ADCY1: variants seen among roughly 807,000 people sequenced by gnomAD.
ADCY1 encodes adenylate cyclase 1.
A neutral mutation model predicts 105.4 loss-of-function variants in ADCY1; 28 were observed. The observed-to-expected ratio is 0.27, with a 90% CI of 0.20 to 0.36. The LOEUF (loss-of-function observed/expected upper bound fraction) is 0.36. ADCY1 is among the 10% of genes least tolerant of loss of function. The pLI, the probability that ADCY1 is intolerant of heterozygous loss-of-function variation, is 1.00. For synonymous variants in ADCY1, 655 were observed against 623.8 expected, an observed-to-expected ratio of 1.05 and a Z score of -0.75; for missense variants, 977 against 1,434.2, an observed-to-expected ratio of 0.68 and a Z score of 5.15.
At chr7:45,587,090 G>A (rs1403632051) in intron 1 of ADCY1, among the ~76,000 whole-genome samples, 1 of 152,212 alleles carries the variant, frequency 6.6e-6, no homozygotes, top group African/African-American at 2.4e-5. Context: ...AAATTCAATA[G>A]AGAGGTTTTC....
rs1177412779 is a variant in ADCY1, at chr7:45,675,204, A to AT, written c.1606-2659dup. Among the ~76,000 whole-genome samples the AT allele has an allele frequency of 5.1e-4, 77 of 152,162 alleles. 1 individual carries two copies. The highest frequency in any genetic ancestry group is 2.6e-4 in the Non-Finnish European group (18 of 67,980). ...TATATAGTATATCTTGTTGCATACA[A>AT]TTTTTTGTAGTTTATCTAGATATGT... On this transcript the variant is annotated intron_variant, in intron 8 of 19. Coordinates refer to ENST00000297323, the MANE Select transcript of ADCY1 (RefSeq NM_021116.4).
rs117131799 is a variant in ADCY1, at chr7:45,680,893, G to A, written c.1983+1100G>A. ...TGAAAAGCCATTGGGCAAGAAGAGC[G>A]ATGACAAAGCAGAAGCCAAGGAATG... On this transcript the variant is annotated intron_variant, in intron 11 of 19. Coordinates refer to ENST00000297323, the MANE Select transcript of ADCY1 (RefSeq NM_021116.4). 7.2e-3 allele frequency among the ~76,000 whole-genome samples: 1,103 copies of A among 152,364 alleles called. 6 individuals carry two copies. Among genetic ancestry groups the A allele is most frequent in the Non-Finnish European group, 0.011 (748 of 68,038 alleles).
At chr7:45,587,874 T>C (rs1412247476) in intron 1 of ADCY1, among the ~76,000 whole-genome samples, 1 of 152,206 alleles carries the variant, frequency 6.6e-6, no homozygotes, top group Non-Finnish European at 1.5e-5. Context: ...AGTTACCAGC[T>C]GGCTAAGGTG....
At position 45,720,538 on chromosome 7, in the gene ADCY1, G is replaced by T. The variant is rs938999785; in HGVS notation, c.*6543G>T. The T allele has an allele frequency of 6.0e-5, 9 of 150,798 alleles. No individual in the cohort carries two copies. The highest frequency in any genetic ancestry group is 1.5e-4 in the African/African-American group (6 of 41,060). The allele number at this position is 150,798 out of a possible 1,614,324, so 9.3% of individuals were successfully genotyped here. ...CAAAAAAAAAAAAAAAAGAAAGAAAGAAATCAGAAAATCGACCACAGTGGT... is the reference window on the plus strand; with the variant it reads ...CAAAAAAAAAAAAAAAAGAAAGAAATAAATCAGAAAATCGACCACAGTGGT... On this transcript the variant is annotated 3_prime_UTR_variant, in exon 20 of 20. Coordinates refer to ENST00000297323, the MANE Select transcript of ADCY1 (RefSeq NM_021116.4).
At chr7:45,640,477 G>A (rs1794503513) in intron 4 of ADCY1, among the ~76,000 whole-genome samples, 1 of 152,192 alleles carries the variant, frequency 6.6e-6, no homozygotes, top group Non-Finnish European at 1.5e-5. Flanking sequence ...TAGAGTCAAA[G>A]TCAAAGATTT....
chr7:45,715,912 C>T lies in ADCY1; in HGVS notation c.*1917C>T, dbSNP rs1785349391. The T allele has an allele frequency of 6.6e-6, 1 of 152,508 alleles. No homozygotes were observed. Among genetic ancestry groups the T allele is most frequent in the Non-Finnish European group, 1.5e-5 (1 of 68,266 alleles). 9.4% of individuals were successfully genotyped at this position (152,508 alleles called of 1,614,324 possible). On this transcript the variant is annotated 3_prime_UTR_variant, in exon 20 of 20. Transcript: ENST00000297323. ...AGGCAGGATGGTCTCCAGACACCTTCTTGCAGAGTGATTTTGACCAATGCC... is the reference window on the plus strand; with the variant it reads ...AGGCAGGATGGTCTCCAGACACCTTTTTGCAGAGTGATTTTGACCAATGCC...
intron 2 of ADCY1, among the ~76,000 whole-genome samples, chr7:45,603,328 T>G (rs527441055): frequency 6.8e-4 from 103 of 152,216 alleles, no homozygotes; most frequent in Middle Eastern, 3.4e-3. Flanking sequence ...TACCTAGGAG[T>G]AGAATTGCTA....
At chr7:45,707,535 G>A (rs1785145064) in intron 17 of ADCY1, among the ~76,000 whole-genome samples, 1 of 152,200 alleles carries the variant, frequency 6.6e-6, no homozygotes, top group African/African-American at 2.4e-5. Flanking sequence ...AAGGTGGAAT[G>A]AACAGACAGC....
intron 14 of ADCY1, among the ~76,000 whole-genome samples, chr7:45,693,538 C>A (rs1195579043): frequency 6.8e-6 from 1 of 147,722 alleles, no homozygotes; most frequent in Non-Finnish European, 1.5e-5. Flanking sequence ...TTCAGAGATT[C>A]AACTTCTTCC....
intron 4 of ADCY1, among the ~76,000 whole-genome samples, chr7:45,644,034 C>T (rs1194015984): frequency 6.6e-6 from 1 of 152,188 alleles, no homozygotes; most frequent in Non-Finnish European, 1.5e-5. Context: ...TTATTTCGTT[C>T]TTCCACTGAT....
chr7:45,645,164 G>C (rs955255896), intron 4 of ADCY1, among the ~76,000 whole-genome samples: 2 of 152,074 alleles, frequency 1.3e-5, no homozygotes, highest in African/African-American at 4.8e-5. Context: ...ATGTGCATGT[G>C]GATAGCCTGT....
chr7:45,711,640 TATATACACACAC>T (rs1391928636), intron 19 of ADCY1, among the ~76,000 whole-genome samples: 4 of 20,766 alleles, frequency 1.9e-4, no homozygotes, highest in Non-Finnish European at 3.8e-4. Flanking sequence ...TATATATATA[TATATACACACAC>T]ACACGTATGT....
intron 1 of ADCY1, among the ~76,000 whole-genome samples, chr7:45,587,490 G>T (rs754735561): frequency 2.0e-4 from 30 of 152,198 alleles, no homozygotes; most frequent in Non-Finnish European, 3.5e-4. Flanking sequence ...CCTGATGAAG[G>T]CTTGAGAAGG....
At chr7:45,574,215 G>A, upstream of ADCY1, 1 of 915,150 alleles carries the variant, frequency 1.1e-6, no homozygotes, top group Non-Finnish European at 1.3e-6. This position sits in a 1 kb window ranked among gnomAD's most constrained non-coding sequence, Gnocchi z 7.0. Context: ...GGCTCCTCCG[G>A]CGGGCGGGAA....
chr7:45,693,170 C>A (rs1416416389), intron 14 of ADCY1, among the ~76,000 whole-genome samples: 1 of 152,122 alleles, frequency 6.6e-6, no homozygotes, highest in African/African-American at 2.4e-5. Flanking sequence ...TGTCTTGCAT[C>A]CCAGGGATGA....
At chr7:45,654,431 G>A (rs188398699) in intron 5 of ADCY1, among the ~76,000 whole-genome samples, 2 of 152,308 alleles carry the variant, frequency 1.3e-5, no homozygotes, top group African/African-American at 4.8e-5. Context: ...TTTCCTCCCT[G>A]ACCCACTTTT....
chr7:45,658,551 G>A (rs1347462810), intron 6 of ADCY1, among the ~76,000 whole-genome samples: 1 of 152,150 alleles, frequency 6.6e-6, no homozygotes, highest in Non-Finnish European at 1.5e-5. Context: ...GGCAACTTTT[G>A]CAGAACACTG....
chr7:45,692,220 G>A (rs1334890777), intron 14 of ADCY1, among the ~76,000 whole-genome samples: 1 of 152,170 alleles, frequency 6.6e-6, no homozygotes, highest in African/African-American at 2.4e-5. Context: ...GCCCATCTGA[G>A]AGTGCACACA....
intron 4 of ADCY1, among the ~76,000 whole-genome samples, chr7:45,633,843 C>T (rs1025728302): frequency 8.8e-5 from 13 of 147,562 alleles, no homozygotes; most frequent in African/African-American, 3.2e-4. Context: ...ACCGTAATTA[C>T]TTAAATTACT....
Sources: allele counts gnomAD v4.1 joint callset (sites outside exome capture counted in the v4.1 genomes callset), GRCh38; gene constraint gnomAD v4.1.1; non-coding constraint Gnocchi (gnomAD v3.1); transcripts MANE v1.5; gene names NCBI Gene and HGNC (gene_info 2026-07-23, HGNC 2026-07-21).